GABRB1: variants seen among roughly 807,000 people sequenced by gnomAD.
GABRB1 encodes the protein gamma-aminobutyric acid type A receptor subunit beta1, also known as gamma-aminobutyric acid receptor subunit beta-1.
A neutral mutation model predicts 51.6 loss-of-function variants in GABRB1; 17 were observed. The ratio of observed to expected loss-of-function variants is 0.33; its 90% CI spans 0.23 to 0.49. GABRB1 has a LOEUF of 0.49. GABRB1 is among the 20% of genes least tolerant of loss of function. The pLI, the probability that GABRB1 is intolerant of heterozygous loss-of-function variation, is 0.99. For synonymous variants in GABRB1, 247 were observed against 218.9 expected (o/e 1.13, Z -1.14); for missense variants, 410 against 600.6 (o/e 0.68, Z 3.32).
chr4:47,323,133 A>C (rs1209689376), intron 5 of GABRB1, among the ~76,000 whole-genome samples: 1 of 152,196 alleles, frequency 6.6e-6, no homozygotes, highest in Non-Finnish European at 1.5e-5. Flanking sequence ...CCAGAAGCTG[A>C]ATGTTGCTTT....
intron 4 of GABRB1, among the ~76,000 whole-genome samples, chr4:47,283,854 C>T (rs561699684): frequency 6.6e-6 from 1 of 152,230 alleles, no homozygotes; most frequent in African/African-American, 2.4e-5. Context: ...CTCTCTTAGA[C>T]TGTTGTACCA....
chr4:47,328,879 G>A (rs146328824), intron 5 of GABRB1, among the ~76,000 whole-genome samples: 128 of 150,442 alleles, frequency 8.5e-4, no homozygotes, highest in African/African-American at 3.0e-3. Context: ...TAACTAAACT[G>A]CACGTTTTGC....
intron 4 of GABRB1, among the ~76,000 whole-genome samples, chr4:47,242,078 A>G (rs1430197079): frequency 6.8e-6 from 1 of 146,134 alleles, no homozygotes; most frequent in African/African-American, 2.6e-5. Context: ...GATGTTCCCC[A>G]CCCTGTGTCC....
chr4:47,103,474 C>T (rs1405182589), intron 3 of GABRB1, among the ~76,000 whole-genome samples: 2 of 151,884 alleles, frequency 1.3e-5, no homozygotes. Flanking sequence ...GAGTTTCATA[C>T]TTAGAAATGA....
chr4:47,074,086 G>T (rs1727451909), intron 3 of GABRB1, among the ~76,000 whole-genome samples: 1 of 152,058 alleles, frequency 6.6e-6, no homozygotes, highest in Admixed American at 6.6e-5. Context: ...AAATATGATT[G>T]TATTAAAAAC....
At chr4:47,144,303 C>CTT (rs1717061260) in intron 3 of GABRB1, among the ~76,000 whole-genome samples, 1 of 151,992 alleles carries the variant, frequency 6.6e-6, no homozygotes, top group African/African-American at 2.4e-5. Flanking sequence ...TTTATTCCCT[C>CTT]TGAGTTTTGG....
At chr4:47,360,624 C>T (rs1475342221) in intron 5 of GABRB1, among the ~76,000 whole-genome samples, 1 of 152,082 alleles carries the variant, frequency 6.6e-6, no homozygotes, top group Admixed American at 6.6e-5. Context: ...AATGCCTTTA[C>T]AGTTAGTCCT....
At chr4:47,311,289 G>A (rs7660473) in intron 4 of GABRB1, among the ~76,000 whole-genome samples, 25,983 of 150,300 alleles carry the variant, frequency 0.17, 2,373 homozygotes, top group Non-Finnish European at 0.21. Flanking sequence ...TTTCATGCTT[G>A]TAATCCCAGC....
At chr4:47,007,149 A>AG (rs1030533103) in intron 1 of GABRB1, among the ~76,000 whole-genome samples, 2 of 152,062 alleles carry the variant, frequency 1.3e-5, no homozygotes, top group Non-Finnish European at 1.5e-5. Context: ...GGATAAAAAA[A>AG]AAAAGAAAAA....
chr4:47,423,454 G>A (rs1729154504), intron 8 of GABRB1, among the ~76,000 whole-genome samples: 1 of 152,180 alleles, frequency 6.6e-6, no homozygotes, highest in African/African-American at 2.4e-5. Context: ...GGTCCCCGTA[G>A]GTGGCTGAGT....
intron 8 of GABRB1, among the ~76,000 whole-genome samples, chr4:47,409,190 T>C (rs1331079183): frequency 6.6e-6 from 1 of 152,104 alleles, no homozygotes; most frequent in Non-Finnish European, 1.5e-5. Context: ...GAAGCCCCAG[T>C]AGGTGTGTTA....
chr4:47,389,226 C>G (rs1320071849), intron 5 of GABRB1, among the ~76,000 whole-genome samples: 1 of 152,102 alleles, frequency 6.6e-6, no homozygotes. Context: ...TTTCATTATC[C>G]CCTTATAAGG....
intron 3 of GABRB1, among the ~76,000 whole-genome samples, chr4:47,037,961 A>G (rs1036667234): frequency 6.6e-6 from 1 of 152,166 alleles, no homozygotes; most frequent in Non-Finnish European, 1.5e-5. Context: ...ACTAGTAAAA[A>G]ATAGCCTAGG....
chr4:47,375,796 G>T (rs1335070640), intron 5 of GABRB1, among the ~76,000 whole-genome samples: 4 of 152,088 alleles, frequency 2.6e-5, no homozygotes, highest in Non-Finnish European at 4.4e-5. Flanking sequence ...TCTAGGAAGG[G>T]GAGGAAAAGC....
At chr4:47,317,867 C>G (rs756469394) in intron 4 of GABRB1, among the ~76,000 whole-genome samples, 1 of 151,790 alleles carries the variant, frequency 6.6e-6, no homozygotes, top group African/African-American at 2.4e-5. Flanking sequence ...TATTCACATA[C>G]GGTGAATCAT....
chr4:47,251,447 C>T lies in GABRB1; in HGVS notation c.462-68680C>T, dbSNP rs1208411115. On this transcript the variant is annotated intron_variant, in intron 4 of 8. Coordinates refer to ENST00000295454, the MANE Select transcript of GABRB1 (RefSeq NM_000812.4). The stretch of plus-strand genomic sequence containing the variant: ...CCTCCTGCCAGGAGGTGGTGCTTTC[C>T]CAAAAGCATCAGCTGGGGTATTATG... Among the ~76,000 whole-genome samples, 3 of 152,064 alleles carry T rather than the reference C, an allele frequency of 2.0e-5. No individual in the cohort carries two copies. The East Asian group carries it at 5.8e-4, about 29-fold the overall frequency.
At chr4:47,140,382 C>T (rs1489021559) in intron 3 of GABRB1, among the ~76,000 whole-genome samples, 5 of 151,798 alleles carry the variant, frequency 3.3e-5, no homozygotes, top group Admixed American at 2.6e-4. Flanking sequence ...TTGCATGGTA[C>T]AGATATGAAA....
At chr4:47,254,092 T>C (rs1371684985) in intron 4 of GABRB1, among the ~76,000 whole-genome samples, 1 of 152,098 alleles carries the variant, frequency 6.6e-6, no homozygotes, top group Non-Finnish European at 1.5e-5. Flanking sequence ...CTTTAAAGTG[T>C]TGTTTTGGAA....
At chr4:47,099,524 T>C (rs1714631107) in intron 3 of GABRB1, among the ~76,000 whole-genome samples, 1 of 152,102 alleles carries the variant, frequency 6.6e-6, no homozygotes, top group Admixed American at 6.6e-5. Flanking sequence ...ATTATAATTC[T>C]CTTTCTAAAT....
Sources: gnomAD v4.1 joint callset for allele counts (sites outside exome capture counted in the v4.1 genomes callset) on GRCh38, gnomAD v4.1.1 for gene constraint, MANE v1.5 for transcripts, NCBI Gene and HGNC (gene_info 2026-07-23, HGNC 2026-07-21) for gene names.